NEMF: variants seen among roughly 807,000 people sequenced by gnomAD.
The protein encoded by NEMF is nuclear export mediator factor, also known as ribosome quality control complex subunit NEMF.
Under a neutral mutation model 162.2 loss-of-function variants are expected in NEMF, and 89 were observed. That is an observed-to-expected ratio of 0.55 (90% CI 0.46 to 0.65). The LOEUF is 0.65. Among genes scored for constraint, NEMF ranks in the 30% least tolerant of loss-of-function variants. NEMF has a pLI of 0.00. For synonymous variants in NEMF, 421 were observed against 404.5 expected (o/e 1.04, Z -0.49); for missense variants, 1,133 against 1,261.9 (o/e 0.90, Z 1.55).
At chr14:49,831,748 A>T (rs1892649535) in intron 10 of NEMF, among the ~76,000 whole-genome samples, 1 of 152,210 alleles carries the variant, frequency 6.6e-6, no homozygotes, top group Non-Finnish European at 1.5e-5. Flanking sequence ...CATACACAGA[A>T]TTTTAGATTC....
chr14:49,848,788 C>T (rs1893633283), intron 3 of NEMF, among the ~76,000 whole-genome samples: 1 of 143,900 alleles, frequency 6.9e-6, no homozygotes, highest in African/African-American at 2.6e-5. Context: ...TGAGCCAAGA[C>T]TGCGCCACTG....
Position 49,834,427 on chromosome 14 carries a change from T to C in NEMF, c.597A>G (p.Glu199=). 6.2e-7 allele frequency: 1 copy of C among 1,605,572 alleles called. No individual in the cohort carries two copies. ...PLLPYGPALI[E]HCLLENGFSG... ...AGAATCCATTTTCTAAAAGACAGTG[T>C]TCAATGAGAGCTGGTCCATAGGCTA... Residue 199 remains glutamate (E), a synonymous_variant, in exon 7 of 33, where the codon GAA becomes GAG. Transcript: ENST00000298310.
rs767622146 is a variant in NEMF, at chr14:49,828,775, T to C, written c.1265A>G (p.Asp422Gly). 3.0e-5 allele frequency: 47 copies of C among 1,558,634 alleles called. No homozygotes were observed. Among genetic ancestry groups the C allele is most frequent in the Non-Finnish European group, 3.9e-5 (45 of 1,144,904 alleles). ...AACATTGACGTCACCATCAACATCATCATCTTCCTCCTCTGATAACAAGTA... is the reference window on the plus strand; with the variant it reads ...AACATTGACGTCACCATCAACATCACCATCTTCCTCCTCTGATAACAAGTA... ...NPYLLSEEED[D>G]DVDGDVNVEK... is the part of the protein sequence containing the mutation. Residue 422 changes from aspartate to glycine, a missense_variant, in exon 14 of 33, where the codon GAT (aspartate) becomes GGT (glycine). Coordinates refer to ENST00000298310, the MANE Select transcript of NEMF (RefSeq NM_004713.6).
chr14:49,789,319 TTTC>T lies in NEMF; in HGVS notation c.2719_2721del (p.Glu907del). 1.2e-6 allele frequency: 2 copies of T among 1,614,222 alleles called. No homozygotes were observed. The highest frequency in any genetic ancestry group is 1.7e-6 in the Non-Finnish European group (2 of 1,180,038). On this transcript the variant is annotated inframe_deletion, in exon 28 of 33. Transcript: ENST00000298310. Reference sequence around the variant, plus strand: ...TTTCCTTTCTTCCCCTTCTTCCCTTTTTCTTCTTTGTTTGAACCTGCAGACTTT... The same window carrying T: ...TTTCCTTTCTTCCCCTTCTTCCCTTTTTCTTTGTTTGAACCTGCAGACTTT...
In NEMF at chr14:49,806,230, GTGTA is replaced by G. The variant is rs1359640259; in HGVS notation, c.1745-101_1745-98del. The G allele has an allele frequency of 2.1e-3, 224 of 104,280 alleles. 3 individuals carry two copies. The African/African-American group carries it at 0.036, about 17-fold the overall frequency. 6.5% of individuals were successfully genotyped at this position (104,280 alleles called of 1,614,324 possible). A position where few individuals can be genotyped will look rare whatever the true frequency, so the allele number is the denominator to read the frequency against. ...TGCCGCATGACAGGGTCAATGATATGTGTATATATATATATATATATATATATTT... is the reference window on the plus strand; with the variant it reads ...TGCCGCATGACAGGGTCAATGATATGTATATATATATATATATATATATTT... On this transcript the variant is annotated intron_variant, in intron 18 of 32. Coordinates refer to ENST00000298310, the MANE Select transcript of NEMF (RefSeq NM_004713.6).
chr14:49,847,100 G>A (rs1893540998), intron 3 of NEMF, among the ~76,000 whole-genome samples: 2 of 151,464 alleles, frequency 1.3e-5, no homozygotes, highest in South Asian at 4.2e-4. Flanking sequence ...TGGTCAGGCT[G>A]GTCTCGAAGT....
chr14:49,848,008 G>C (rs1015212265), intron 3 of NEMF, among the ~76,000 whole-genome samples: 1 of 150,208 alleles, frequency 6.7e-6, no homozygotes, highest in Admixed American at 6.6e-5. Context: ...ATCCAGCCTG[G>C]GCAACAGAGC....
intron 6 of NEMF, among the ~76,000 whole-genome samples, chr14:49,837,289 T>A (rs886488914): frequency 6.6e-6 from 1 of 152,014 alleles, no homozygotes; most frequent in Non-Finnish European, 1.5e-5. Context: ...ATAATAGTAA[T>A]TTTAGGCTTA....
intron 26 of NEMF, among the ~76,000 whole-genome samples, chr14:49,792,350 G>C (rs1034046098): frequency 6.6e-6 from 1 of 152,168 alleles, no homozygotes; most frequent in East Asian, 1.9e-4. Flanking sequence ...AAGAAGCTGG[G>C]ACCTACAGGT....
At chr14:49,852,673 C>T in intron 1 of NEMF, 22 bp downstream of exon 1, 2 of 1,614,010 alleles carry the variant, frequency 1.2e-6, no homozygotes, top group East Asian at 2.2e-5. Flanking sequence ...CCACACGAGC[C>T]TCGTCACTTA....
intron 15 of NEMF, 116 bp downstream of exon 15, chr14:49,828,175 T>A: frequency 2.5e-6 from 2 of 793,422 alleles, no homozygotes; most frequent in Middle Eastern, 2.8e-4. Flanking sequence ...AAAGCAAAGT[T>A]AAGTTTGAAA....
chr14:49,806,588 C>T (rs1300100423), intron 18 of NEMF, among the ~76,000 whole-genome samples: 1 of 151,588 alleles, frequency 6.6e-6, no homozygotes. Context: ...AATACTAATA[C>T]ATTTTTACTT....
chr14:49,801,698 G>A (rs1890964496), intron 22 of NEMF, among the ~76,000 whole-genome samples: 1 of 152,144 alleles, frequency 6.6e-6, no homozygotes, highest in South Asian at 2.1e-4. Flanking sequence ...CAGGTAGGCA[G>A]ATGAATTTAT....
Position 49,829,415 on chromosome 14 carries a change from T to C in NEMF, c.957A>G (p.Ala319=), listed in dbSNP as rs771403159. Residue 319 remains alanine (A), a synonymous_variant, in exon 12 of 33, where the codon GCA becomes GCG. Coordinates refer to ENST00000298310, the MANE Select transcript of NEMF (RefSeq NM_004713.6). ...DLKALQQEKQ[A]LKKLDNVRKD... ...TTCGAACATTATCTAATTTCTTCAA[T>C]GCTTGCTTTTCCTTTTATTGGCAAA... 1.2e-6 allele frequency: 2 copies of C among 1,613,554 alleles called. No homozygotes were observed. Among genetic ancestry groups the C allele is most frequent in the African/African-American group, 1.3e-5 (1 of 74,942 alleles).
At position 49,814,048 on chromosome 14, in the gene NEMF, C is replaced by A; in HGVS notation, c.1684G>T (p.Asp562Tyr). 1 of 1,523,376 alleles carries A rather than the reference C, an allele frequency of 6.6e-7. No individual in the cohort carries two copies. Among genetic ancestry groups the A allele is most frequent in the South Asian group, 1.1e-5 (1 of 89,180 alleles). 94.4% of individuals were successfully genotyped at this position (1,523,376 alleles called of 1,614,324 possible). A position where few individuals can be genotyped will look rare whatever the true frequency, so the allele number is the denominator to read the frequency against. The change falls in exon 18 of 33, where the codon GAC (aspartate) becomes TAC (tyrosine). Residue 562 changes from aspartate to tyrosine, a missense_variant and splice_region_variant. Physicochemically the swap from Asp to Tyr is radical, Grantham distance 160. Transcript: ENST00000298310. ...IIVKRYLTPG[D>Y]IYVHADLHGA... ...TGAAGATCAGCATGTACATAAATGT[C>A]TCCTTAAATACAGACAAATAAAAAA...
chr14:49,789,341 A>C lies in NEMF; in HGVS notation c.2700T>G (p.Ser900=), dbSNP rs1890333446. 7 of 1,614,018 alleles carry C rather than the reference A, an allele frequency of 4.3e-6. No homozygotes were observed. The highest frequency in any genetic ancestry group is 1.1e-5 in the South Asian group (1 of 91,084). The change falls in exon 28 of 33, where the codon TCT becomes TCG. Residue 900 remains serine, a splice_region_variant and synonymous_variant. Transcript: ENST00000298310. The stretch of plus-strand genomic sequence containing the variant: ...CTTTTTCTTCTTTGTTTGAACCTGC[A>C]GACTTTAATTCATAGAGGAAACATC... The part of the protein sequence containing the change: ...DRELIMKLLG[S]AGSNKEEKGK...
chr14:49,808,145 TGATA>T (rs921382864), intron 18 of NEMF, among the ~76,000 whole-genome samples: 82 of 152,222 alleles, frequency 5.4e-4, no homozygotes, highest in African/African-American at 1.9e-3. Flanking sequence ...TTTACTTTCT[TGATA>T]ATGTTCCTTG....
At chr14:49,828,411 ACTTAGTT>A in intron 14 of NEMF, 57 bp from the exon 15 acceptor site, 1 of 1,178,416 alleles carries the variant, frequency 8.5e-7, no homozygotes, top group Non-Finnish European at 1.2e-6. Flanking sequence ...TCAGTTTTCT[ACTTAGTT>A]CTAACTTGAC....
At chr14:49,821,816 C>A (rs1235184085) in intron 16 of NEMF, among the ~76,000 whole-genome samples, 3 of 151,866 alleles carry the variant, frequency 2.0e-5, no homozygotes, top group African/African-American at 7.2e-5. Flanking sequence ...AGGTACCCAA[C>A]AGCTCATTGA....
Sources: allele counts gnomAD v4.1 joint callset (sites outside exome capture counted in the v4.1 genomes callset), GRCh38; gene constraint gnomAD v4.1.1; transcripts MANE v1.5; gene names NCBI Gene and HGNC (gene_info 2026-07-23, HGNC 2026-07-21).